CCN3: variants seen among roughly 807,000 people sequenced by gnomAD.
CCN3 encodes the protein CCN family member 3.
CCN3 carries 20 observed loss-of-function variants against 33.4 expected under a neutral mutation model. The observed-to-expected ratio is 0.60, with a 90% CI of 0.42 to 0.87. The LOEUF (loss-of-function observed/expected upper bound fraction) is 0.87. CCN3 is among the 40% of genes least tolerant of loss of function. The probability of loss-of-function intolerance (pLI) is 0.00; values close to 1 mark genes in which losing one functional copy is unlikely to be tolerated. For synonymous variants in CCN3, 205 were observed against 170.4 expected (o/e 1.20, Z -1.58); for missense variants, 465 against 455.3 (o/e 1.02, Z -0.19).
At position 119,416,823 on chromosome 8, in the gene CCN3, G is replaced by A; in HGVS notation, c.164G>A (p.Arg55His). 2 of 1,609,882 alleles carry A rather than the reference G, an allele frequency of 1.2e-6. No homozygotes were observed. The highest frequency in any genetic ancestry group is 1.7e-6 in the Non-Finnish European group (2 of 1,178,432). Residue 55 changes from arginine (R) to histidine (H), a missense_variant, in exon 2 of 5, where the codon CGC (arginine) becomes CAC (histidine). By Grantham distance (29) the Arg-to-His change is conservative. Coordinates refer to ENST00000259526, the MANE Select transcript of CCN3 (RefSeq NM_002514.4). ...CCGCCGACCTGCGCCCCCGGGGTGC[G>A]CGCGGTGCTGGACGGCTGCTCATGC... ...ATPPTCAPGV[R>H]AVLDGCSCCL... is the part of the protein sequence containing the mutation.
intron 4 of CCN3, 74 bp downstream of exon 4, chr8:119,419,419 C>A: frequency 7.0e-7 from 1 of 1,431,722 alleles, no homozygotes; most frequent in Non-Finnish European, 9.8e-7. Context: ...TTCAGAAAGT[C>A]ACTGTGTCAC....
rs767154470 is a variant in CCN3, at chr8:119,416,554, A to G, written c.22A>G (p.Ser8Gly). 1 of 1,613,984 alleles carries G rather than the reference A, an allele frequency of 6.2e-7. No homozygotes were observed. Among genetic ancestry groups the G allele is most frequent in the Admixed American group, 1.7e-5 (1 of 60,000 alleles). ...GAGCATGCAGAGTGTGCAGAGCACG[A>G]GCTTTTGTCTCCGAAAGCAGTGCCT... MQSVQST[S>G]FCLRKQCLCL... The change falls in exon 1 of 5, where the codon AGC (serine) becomes GGC (glycine). Residue 8 changes from serine (S) to glycine (G), a missense_variant. Ser to Gly is a moderately conservative substitution (Grantham distance 56). Coordinates refer to ENST00000259526, the MANE Select transcript of CCN3 (RefSeq NM_002514.4).
chr8:119,420,114 TA>T (rs1820103507), intron 4 of CCN3: 4 of 152,120 alleles, frequency 2.6e-5, no homozygotes, highest in African/African-American at 7.2e-5. Flanking sequence ...AAGACTAAAA[TA>T]AAACAGCCCT....
intron 2 of CCN3, among the ~76,000 whole-genome samples, chr8:119,417,748 G>A (rs539479405): frequency 3.3e-5 from 5 of 152,154 alleles, no homozygotes; most frequent in South Asian, 2.1e-4. Context: ...GGAGGTTCTC[G>A]CAAAATGACT....
chr8:119,416,521 G>GAA lies in CCN3; in HGVS notation c.-10_-9dup. ...GTCTCGTTTGGTAAAAGCGAGAGGG[G>GAA]AAAGCCTGAGCATGCAGAGTGTGCA... On this transcript the variant is annotated 5_prime_UTR_variant, in exon 1 of 5. Transcript: ENST00000259526. 1 of 1,613,362 alleles carries GAA rather than the reference G, an allele frequency of 6.2e-7. No individual in the cohort carries two copies. Among genetic ancestry groups the GAA allele is most frequent in the Non-Finnish European group, 8.5e-7 (1 of 1,179,684 alleles).
rs779971719 is a variant in CCN3, at chr8:119,423,134, C to A, written c.*2C>A. The stretch of plus-strand genomic sequence containing the variant: ...AAGACTACCAGAGGGAAAATGTAAC[C>A]TGTCACTCAAGAAGCACACCTACAG... On this transcript the variant is annotated 3_prime_UTR_variant, in exon 5 of 5. Coordinates refer to ENST00000259526, the MANE Select transcript of CCN3 (RefSeq NM_002514.4). 9.9e-6 allele frequency: 16 copies of A among 1,610,790 alleles called. No individual in the cohort carries two copies. Among genetic ancestry groups the A allele is most frequent in the Non-Finnish European group, 1.3e-5 (15 of 1,177,508 alleles).
intron 4 of CCN3, among the ~76,000 whole-genome samples, chr8:119,421,594 ATAAG>A (rs1820124145): frequency 1.3e-5 from 2 of 152,252 alleles, no homozygotes; most frequent in African/African-American, 4.8e-5. Flanking sequence ...ATTAAGAAAT[ATAAG>A]TAAGAAATAA....
At position 119,422,957 on chromosome 8, in the gene CCN3, G is replaced by A; in HGVS notation, c.899G>A (p.Cys300Tyr). 2 of 1,614,158 alleles carry A rather than the reference G, an allele frequency of 1.2e-6. No homozygotes were observed. Among genetic ancestry groups the A allele is most frequent in the South Asian group, 2.2e-5 (2 of 91,072 alleles). Reference sequence around the variant, plus strand: ...TGTGGGGTCTGCAGTGATGGCCGCTGCTGCACTCCCCACAATACCAAAACC... The same window carrying A: ...TGTGGGGTCTGCAGTGATGGCCGCTACTGCACTCCCCACAATACCAAAACC... ...RFCGVCSDGR[C>Y]CTPHNTKTIQ... Residue 300 changes from cysteine to tyrosine, a missense_variant, in exon 5 of 5, where the codon TGC becomes TAC. Coordinates refer to ENST00000259526, the MANE Select transcript of CCN3 (RefSeq NM_002514.4).
chr8:119,419,399 G>T lies in CCN3; in HGVS notation c.777+54G>T, dbSNP rs896714080. On this transcript the variant is annotated intron_variant, in intron 4 of 4. Coordinates refer to ENST00000259526, the MANE Select transcript of CCN3 (RefSeq NM_002514.4). ...TGAAGGTAATGGCCTTGTGTCCTTG[G>T]AGCCTGGGCTTCAGAAAGTCACTGT... 7 of 1,554,182 alleles carry T rather than the reference G, an allele frequency of 4.5e-6. No individual in the cohort carries two copies. In the African/African-American group the frequency reaches 8.1e-5, roughly 18 times the overall value.
intron 1 of CCN3, 36 bp from the exon 2 acceptor site, chr8:119,416,708 A>T (rs751987023): frequency 6.3e-7 from 1 of 1,576,658 alleles, no homozygotes; most frequent in African/African-American, 1.3e-5. Flanking sequence ...CTTCTGTCCC[A>T]GCTGAGTGGT....
Position 119,423,277 on chromosome 8 carries a change from A to G in CCN3, c.*145A>G. 13 of 718,374 alleles carry G rather than the reference A, an allele frequency of 1.8e-5. No homozygotes were observed. The highest frequency in any genetic ancestry group is 8.8e-6 in the Non-Finnish European group (4 of 452,076). The allele number at this position is 718,374 out of a possible 1,614,324, so 44.5% of individuals were successfully genotyped here. On this transcript the variant is annotated 3_prime_UTR_variant, in exon 5 of 5. Transcript: ENST00000259526. ...CTAATGTGATCATATGAGGACCTTT[A>G]TATCTGTCTTTTATTTAACAAAAAA...
At chr8:119,417,995 T>C (rs1438847263) in intron 2 of CCN3, 63 bp from the exon 3 acceptor site, 16 of 1,509,172 alleles carry the variant, frequency 1.1e-5, no homozygotes, top group African/African-American at 1.4e-5. Context: ...GCTTCTTCAC[T>C]GTATTGTGTT....
At chr8:119,419,504 A>G (rs1205895897) in intron 4 of CCN3, among the ~76,000 whole-genome samples, 159 bp downstream of exon 4, 2 of 152,214 alleles carry the variant, frequency 1.3e-5, no homozygotes, top group Non-Finnish European at 2.9e-5. Flanking sequence ...AAGCCAGCCT[A>G]TCTTCTTTTT....
At chr8:119,417,176 C>A (rs535264841) in intron 2 of CCN3, 7 of 551,800 alleles carry the variant, frequency 1.3e-5, no homozygotes, top group Non-Finnish European at 2.2e-5. Flanking sequence ...AGAAAGGAAA[C>A]CTGCCCTGGG....
At chr8:119,417,002 C>A (rs1202389503) in intron 2 of CCN3, 33 bp downstream of exon 2, 4 of 1,552,484 alleles carry the variant, frequency 2.6e-6, no homozygotes, top group Non-Finnish European at 3.5e-6. Flanking sequence ...TTGACCTCTT[C>A]TCCTGCAGCT....
At chr8:119,422,793 G>A (rs1820142331) in intron 4 of CCN3, 43 bp from the exon 5 acceptor site, 1 of 1,505,080 alleles carries the variant, frequency 6.6e-7, no homozygotes, top group Admixed American at 2.0e-5. Context: ...TCCCTCAGGG[G>A]AATGGTAGCC....
intron 4 of CCN3, 28 bp from the exon 5 acceptor site, chr8:119,422,808 A>G: frequency 6.4e-7 from 1 of 1,567,154 alleles, no homozygotes; most frequent in African/African-American, 1.4e-5. Flanking sequence ...GTAGCCATTC[A>G]ATACATCACT....
At chr8:119,417,510 C>G (rs1820067817) in intron 2 of CCN3, among the ~76,000 whole-genome samples, 1 of 152,160 alleles carries the variant, frequency 6.6e-6, no homozygotes, top group Non-Finnish European at 1.5e-5. Flanking sequence ...AAAACGTAAT[C>G]AGTCGGGGAT....
chr8:119,418,134 C>A lies in CCN3; in HGVS notation c.387C>A (p.Phe129Leu), dbSNP rs781253305. Residue 129 changes from phenylalanine (F) to leucine (L), a missense_variant, in exon 3 of 5, where the codon TTC becomes TTA. Coordinates refer to ENST00000259526, the MANE Select transcript of CCN3 (RefSeq NM_002514.4). ...AGAAATTTCAGCCAAGCTGCAAATTCCAGTGCACCTGCAGAGATGGGCAGA... is the reference window on the plus strand; with the variant it reads ...AGAAATTTCAGCCAAGCTGCAAATTACAGTGCACCTGCAGAGATGGGCAGA... ...SGEKFQPSCK[F>L]QCTCRDGQIG... 1 of 1,614,208 alleles carries A rather than the reference C, an allele frequency of 6.2e-7. No individual in the cohort carries two copies.
Sources: allele counts gnomAD v4.1 joint callset (sites outside exome capture counted in the v4.1 genomes callset), GRCh38; gene constraint gnomAD v4.1.1; transcripts MANE v1.5; gene names NCBI Gene and HGNC (gene_info 2026-07-23, HGNC 2026-07-21).